Variants in SAMSN1 observed in about 807,000 individuals in gnomAD.
SAMSN1 encodes the protein SAM domain-containing protein SAMSN-1.
A neutral mutation model predicts 42.0 loss-of-function variants in SAMSN1; 31 were observed. The ratio of observed to expected loss-of-function variants is 0.74; its 90% confidence interval spans 0.55 to 1.00. The LOEUF (loss-of-function observed/expected upper bound fraction) is 1.00, where lower values mean the gene tolerates loss of function less well. Among genes scored for constraint, SAMSN1 ranks in the 50% least tolerant of loss-of-function variants. The probability of loss-of-function intolerance (pLI) is 0.00; values close to 1 mark genes in which losing one functional copy is unlikely to be tolerated. For missense variants in SAMSN1, 464 were observed against 439.4 expected (o/e 1.06, Z -0.50); for synonymous variants, 178 against 151.9 (o/e 1.17, Z -1.26).
intron 7 of SAMSN1, among the ~76,000 whole-genome samples, chr21:14,589,356 T>C (rs1982013243): frequency 6.6e-6 from 1 of 152,016 alleles, no homozygotes; most frequent in Admixed American, 6.6e-5. Flanking sequence ...CCAATGTTCT[T>C]TCTTACAAGA....
intron 5 of SAMSN1, among the ~76,000 whole-genome samples, chr21:14,505,404 G>T (rs929760153): frequency 2.6e-5 from 4 of 152,130 alleles, no homozygotes; most frequent in African/African-American, 9.7e-5. Flanking sequence ...GGTGGAAAAA[G>T]ATATTTCATT....
chr21:14,636,190 C>T (rs1049998653), intron 2 of SAMSN1, among the ~76,000 whole-genome samples: 2 of 152,210 alleles, frequency 1.3e-5, no homozygotes, highest in African/African-American at 4.8e-5. Flanking sequence ...AAATGTAAGT[C>T]TATTCACCCA....
intron 4 of SAMSN1, among the ~76,000 whole-genome samples, chr21:14,511,702 A>T (rs370050469): frequency 6.6e-6 from 1 of 152,244 alleles, no homozygotes; most frequent in East Asian, 1.9e-4. Context: ...ACAAAAAGTC[A>T]TAAGGCACCC....
exon 2 of SAMSN1, chr21:14,582,369 C>A: frequency 1.9e-6 from 3 of 1,550,118 alleles, no homozygotes; most frequent in Non-Finnish European, 2.6e-6. Flanking sequence ...CCCAGTGATG[C>A]AGAAAGAGTA....
chr21:14,534,696 T>G (rs1180372492), intron 1 of SAMSN1, among the ~76,000 whole-genome samples: 2 of 152,078 alleles, frequency 1.3e-5, no homozygotes, highest in Admixed American at 1.3e-4. Context: ...TAAATGGACA[T>G]GTACTACCAG....
chr21:14,549,106 G>A (rs557235775), upstream of SAMSN1, among the ~76,000 whole-genome samples: 14 of 152,188 alleles, frequency 9.2e-5, no homozygotes, highest in South Asian at 2.1e-3. Context: ...TGTATTTTTC[G>A]GGAAAGTAAG....
rs777886877 is a variant in SAMSN1 at position 14,500,510 on chromosome 21, A to G, written c.768+19T>C. The stretch of plus-strand genomic sequence containing the variant: ...CATTTACATGCTTCCAAAAGCAAAC[A>G]GAACACAGATTTGCTCACCTGCAGA... On this transcript the variant is annotated intron_variant, in intron 6 of 7. Coordinates refer to ENST00000400566, the MANE Select transcript of SAMSN1 (RefSeq NM_022136.5). 6.2e-7 allele frequency: 1 copy of G among 1,607,032 alleles called. No homozygotes were observed.
At chr21:14,619,956 T>TTTTTTTTTTTTTTTTTTTTTTTTTTGAGA (rs1568833413) in intron 2 of SAMSN1, among the ~76,000 whole-genome samples, 3 of 152,064 alleles carry the variant, frequency 2.0e-5, no homozygotes, top group African/African-American at 7.3e-5. Flanking sequence ...TTGAGAGCCT[T>TTTTTTTTTTTTTTTTTTTTTTTTTTGAGA]CAGAGGAGGA....
At chr21:14,501,036 C>T (rs527628638) in intron 5 of SAMSN1, among the ~76,000 whole-genome samples, 9 of 151,680 alleles carry the variant, frequency 5.9e-5, no homozygotes, top group South Asian at 2.1e-4. Flanking sequence ...ATTAGCCTGG[C>T]GTGGTAGCAT....
chr21:14,553,660 A>T (rs746718076), intron 2 of SAMSN1, among the ~76,000 whole-genome samples: 30 of 152,168 alleles, frequency 2.0e-4, no homozygotes, highest in Non-Finnish European at 4.4e-4. Context: ...TTTGAATGCT[A>T]TATTGACTTG....
At chr21:14,530,690 C>A (rs912871480) in intron 1 of SAMSN1, among the ~76,000 whole-genome samples, 4 of 152,144 alleles carry the variant, frequency 2.6e-5, no homozygotes, top group African/African-American at 7.2e-5. Flanking sequence ...TGTTGAGAAG[C>A]GTTCTAAAGC....
chr21:14,521,506 C>T (rs937274949), intron 1 of SAMSN1, among the ~76,000 whole-genome samples: 4 of 152,110 alleles, frequency 2.6e-5, no homozygotes, highest in African/African-American at 7.2e-5. Flanking sequence ...TAATTTTGCT[C>T]TTTGAAGTGG....
At chr21:14,638,436 T>C (rs1166448158) in intron 2 of SAMSN1, among the ~76,000 whole-genome samples, 1 of 152,222 alleles carries the variant, frequency 6.6e-6, no homozygotes, top group Admixed American at 6.5e-5. Flanking sequence ...AGTGTAGCTC[T>C]AGGGCAGGGG....
intron 7 of SAMSN1, among the ~76,000 whole-genome samples, chr21:14,494,848 C>T (rs190842629): frequency 6.6e-6 from 1 of 152,022 alleles, no homozygotes; most frequent in Non-Finnish European, 1.5e-5. Context: ...TGTTTTGTAC[C>T]CCATCCTCTT....
Position 14,485,605 on chromosome 21 carries a change from A to G in SAMSN1, c.*307T>C. ...AAAGGTTACTTTGTTTTTTGCAGAT[A>G]CTGTACTTGTAAAATAAAGCCAAAT... On this transcript the variant is annotated 3_prime_UTR_variant, in exon 8 of 8. Coordinates refer to ENST00000400566, the MANE Select transcript of SAMSN1 (RefSeq NM_022136.5). The G allele has an allele frequency of 4.9e-6, 1 of 204,122 alleles. No individual in the cohort carries two copies. Among genetic ancestry groups the G allele is most frequent in the East Asian group, 1.2e-4 (1 of 8,484 alleles). The allele number at this position is 204,122 out of a possible 1,614,324, so 12.6% of individuals were successfully genotyped here. A position where few individuals can be genotyped will look rare whatever the true frequency, so the allele number is the denominator to read the frequency against.
intron 1 of SAMSN1, among the ~76,000 whole-genome samples, chr21:14,655,381 T>G (rs941190477): frequency 6.6e-6 from 1 of 151,828 alleles, no homozygotes; most frequent in Non-Finnish European, 1.5e-5. Context: ...GGAATATTCC[T>G]ATTAATGCAA....
chr21:14,625,875 A>G (rs1472891900), intron 2 of SAMSN1, among the ~76,000 whole-genome samples: 3 of 152,216 alleles, frequency 2.0e-5, no homozygotes, highest in East Asian at 1.9e-4. Flanking sequence ...CTGACTTCAA[A>G]CTATACTACA....
At chr21:14,588,044 A>C (rs1207020246), upstream of SAMSN1, among the ~76,000 whole-genome samples, 2 of 135,738 alleles carry the variant, frequency 1.5e-5, no homozygotes, top group African/African-American at 2.7e-5. Context: ...ATGATTTCCA[A>C]TTTCATCCAT....
At chr21:14,613,452 T>C (rs1250819662) in intron 3 of SAMSN1, among the ~76,000 whole-genome samples, 2 of 152,206 alleles carry the variant, frequency 1.3e-5, no homozygotes, top group African/African-American at 2.4e-5. Flanking sequence ...TTCATGTGTG[T>C]GGGTGAACAC....
Sources: allele counts gnomAD v4.1 joint callset (sites outside exome capture counted in the v4.1 genomes callset), GRCh38; gene constraint gnomAD v4.1.1; transcripts MANE v1.5; gene names NCBI Gene and HGNC (gene_info 2026-07-23, HGNC 2026-07-21).